Variants in EMSY observed in about 807,000 individuals in gnomAD.
EMSY encodes EMSY transcriptional repressor, BRCA2 interacting.
Under a neutral mutation model 134.6 loss-of-function variants are expected in EMSY, and 26 were observed. The ratio of observed to expected loss-of-function variants is 0.19; its 90% CI spans 0.14 to 0.27. EMSY has a LOEUF of 0.27. Ranked by LOEUF, EMSY falls within the 10% of genes least tolerant of loss-of-function variation. The pLI, the probability that EMSY is intolerant of heterozygous loss-of-function variation, is 1.00. For synonymous variants in EMSY, 579 were observed against 577.8 expected, an observed-to-expected ratio of 1.00 and a Z score of -0.03; for missense variants, 1,305 against 1,611.4, an observed-to-expected ratio of 0.81 and a Z score of 3.26.
intron 14 of EMSY, among the ~76,000 whole-genome samples, chr11:76,529,864 C>T (rs1296785518): frequency 1.3e-5 from 2 of 152,068 alleles, no homozygotes; most frequent in African/African-American, 2.4e-5. Flanking sequence ...GATTATGAGT[C>T]AATTATCTGC....
At chr11:76,458,703 T>C (rs1947979088) in intron 5 of EMSY, 1 of 173,510 alleles carries the variant, frequency 5.8e-6, no homozygotes, top group Admixed American at 6.1e-5. Context: ...TACTAAAAAA[T>C]GATTCTGAAC....
At chr11:76,547,363 T>C (rs958836600) in intron 20 of EMSY, among the ~76,000 whole-genome samples, 2 of 152,220 alleles carry the variant, frequency 1.3e-5, no homozygotes, top group Admixed American at 1.3e-4. Context: ...GAAATGGCCA[T>C]TGAATTATTA....
At position 76,542,467 on chromosome 11, in the gene EMSY, T is replaced by C. The variant is rs924213446; in HGVS notation, c.2709+100T>C. The stretch of plus-strand genomic sequence containing the variant: ...TTTAAGAGGAGAAATAATTGGAACG[T>C]AGAGTGTTTGTGTAATTCTTTTCTA... On this transcript the variant is annotated intron_variant, in intron 18 of 20. Coordinates refer to ENST00000334736, the Ensembl canonical transcript of EMSY. The C allele has an allele frequency of 2.8e-6, 4 of 1,429,060 alleles. No homozygotes were observed. In the African/African-American group the frequency reaches 5.6e-5, roughly 20 times the overall value. 88.5% of individuals were successfully genotyped at this position (1,429,060 alleles called of 1,614,324 possible). A position where few individuals can be genotyped will look rare whatever the true frequency, so the allele number is the denominator to read the frequency against.
At chr11:76,503,465 A>G (rs1192259442) in intron 9 of EMSY, among the ~76,000 whole-genome samples, 1 of 152,174 alleles carries the variant, frequency 6.6e-6, no homozygotes, top group East Asian at 1.9e-4. Flanking sequence ...CCGTACAACT[A>G]TGGTCAACTG....
intron 20 of EMSY, among the ~76,000 whole-genome samples, chr11:76,548,377 T>G (rs928201667): frequency 6.6e-6 from 1 of 152,246 alleles, no homozygotes; most frequent in African/African-American, 2.4e-5. Context: ...ATTCATTGGT[T>G]GATTCGTTCA....
chr11:76,472,474 C>A, intron 7 of EMSY, 90 bp from the exon 9 acceptor site: 1 of 1,213,568 alleles, frequency 8.2e-7, no homozygotes, highest in Non-Finnish European at 1.1e-6. Flanking sequence ...TTTTCATAAG[C>A]TATTTTTAAA....
intron 8 of EMSY, among the ~76,000 whole-genome samples, chr11:76,488,360 G>A (rs1432530998): frequency 6.6e-6 from 1 of 152,116 alleles, no homozygotes; most frequent in Non-Finnish European, 1.5e-5. Flanking sequence ...TAGCTACTCG[G>A]GAAGCCTGAG....
intron 8 of EMSY, among the ~76,000 whole-genome samples, chr11:76,485,695 A>G (rs982989334): frequency 1.3e-5 from 2 of 152,224 alleles, no homozygotes; most frequent in Non-Finnish European, 2.9e-5. Context: ...AGTTCTGGCC[A>G]GGGCAATCAG....
At chr11:76,495,549 T>G (rs552654896) in intron 8 of EMSY, among the ~76,000 whole-genome samples, 22 of 152,196 alleles carry the variant, frequency 1.4e-4, no homozygotes, top group Non-Finnish European at 2.9e-4. Flanking sequence ...CTTGCTAATA[T>G]TAGAATCCCA....
At chr11:76,453,272 G>C in intron 3 of EMSY, 42 bp from the exon 4 acceptor site, 1 of 1,574,048 alleles carries the variant, frequency 6.4e-7, no homozygotes, top group Non-Finnish European at 8.7e-7. Flanking sequence ...AGAAAGAGCT[G>C]CCTGCTTGGC....
At chr11:76,463,822 T>C (rs753076186) in exon 7 of EMSY, 2 of 1,614,102 alleles carry the variant, frequency 1.2e-6, no homozygotes, top group Non-Finnish European at 1.7e-6. Context: ...GCCCTTCAGG[T>C]GTAAGCTGTT....
Position 76,447,023 on chromosome 11 carries a change from G to C in EMSY, c.70+15G>C. ...TCGAAAATTGGGTATGACGTTCATT[G>C]TTTGTTTTTTACCTCTCTCTGATAC... On this transcript the variant is annotated intron_variant, in intron 2 of 20. Coordinates refer to ENST00000334736, the Ensembl canonical transcript of EMSY. 6.2e-7 allele frequency: 1 copy of C among 1,612,772 alleles called. No homozygotes were observed. The highest frequency in any genetic ancestry group is 8.5e-7 in the Non-Finnish European group (1 of 1,179,156).
intron 4 of EMSY, among the ~76,000 whole-genome samples, chr11:76,456,666 T>A (rs999633850): frequency 1.3e-5 from 2 of 152,214 alleles, no homozygotes; most frequent in African/African-American, 4.8e-5. Context: ...TTTGTGAGTG[T>A]TACTGAAGTT....
intron 16 of EMSY, 66 bp downstream of exon 17, chr11:76,538,016 T>C: frequency 7.4e-7 from 1 of 1,355,596 alleles, no homozygotes. Context: ...CATGGGATGA[T>C]TGTGTGGGGG....
In EMSY at chr11:76,509,784, C is replaced by G. The variant is rs534648001; in HGVS notation, c.1364-3602C>G. ...GGAGACTCTGACAATATATAAGAAACTAAGCTTTTGTTAATGGCAAGGGAG... is the reference window on the plus strand; with the variant it reads ...GGAGACTCTGACAATATATAAGAAAGTAAGCTTTTGTTAATGGCAAGGGAG... On this transcript the variant is annotated intron_variant, in intron 9 of 20. Coordinates refer to ENST00000334736, the Ensembl canonical transcript of EMSY. Among the ~76,000 whole-genome samples the G allele has an allele frequency of 1.4e-4, 22 of 152,312 alleles. No individual in the cohort carries two copies. The East Asian group carries it at 4.2e-3, about 29-fold the overall frequency.
rs1269036449 is a variant in EMSY at position 76,513,622 on chromosome 11, A to T, written c.1513+87A>T. 9.1e-5 allele frequency: 128 copies of T among 1,413,470 alleles called. 1 individual carries two copies. In the South Asian group the frequency reaches 1.1e-3, roughly 13 times the overall value. 87.6% of individuals were successfully genotyped at this position (1,413,470 alleles called of 1,614,324 possible). ...ACCAGCAATATGCTTGACACTTGGG[A>T]TATAGAGATTAATGGGACAGTTTTT... On this transcript the variant is annotated intron_variant, in intron 10 of 20. Transcript: ENST00000334736.
intron 6 of EMSY, 146 bp downstream of exon 7, chr11:76,460,231 TTACATATGACTAGG>T: frequency 1.1e-6 from 1 of 945,956 alleles, no homozygotes; most frequent in Admixed American, 2.3e-5. Context: ...ATTCCTTTCT[TTACATATGACTAGG>T]TATATATTGC....
At position 76,535,889 on chromosome 11, in the gene EMSY, A is replaced by T; in HGVS notation, c.2195-6A>T. The T allele has an allele frequency of 2.0e-6, 3 of 1,488,796 alleles. No individual in the cohort carries two copies. The highest frequency in any genetic ancestry group is 2.7e-6 in the Non-Finnish European group (3 of 1,118,276). The allele number at this position is 1,488,796 out of a possible 1,614,324, so 92.2% of individuals were successfully genotyped here. On this transcript the variant is annotated splice_polypyrimidine_tract_variant and splice_region_variant and intron_variant, in intron 14 of 20. Coordinates refer to ENST00000334736, the Ensembl canonical transcript of EMSY. ...GGTTTGTTTTTTTTTAACTAATATA[A>T]AACAGATTCCCAGCCTGTAGTTCAT...
intron 7 of EMSY, among the ~76,000 whole-genome samples, chr11:76,467,601 A>G (rs545944971): frequency 6.6e-6 from 1 of 152,338 alleles, no homozygotes; most frequent in South Asian, 2.1e-4. Flanking sequence ...GCTAATTAAT[A>G]TTTGTTGAAT....
Sources: gnomAD v4.1 joint callset for allele counts (sites outside exome capture counted in the v4.1 genomes callset) on GRCh38, gnomAD v4.1.1 for gene constraint, MANE v1.5 for transcripts, NCBI Gene and HGNC (gene_info 2026-07-23, HGNC 2026-07-21) for gene names.